The following LPP variants were observed in gnomAD, a reference collection of about 807,000 sequenced individuals.
LPP encodes the protein lipoma-preferred partner.
A neutral mutation model predicts 60.4 loss-of-function variants in LPP; 38 were observed. The observed-to-expected ratio is 0.63, with a 90% CI of 0.49 to 0.83. The LOEUF (loss-of-function observed/expected upper bound fraction) is 0.83, where lower values mean the gene tolerates loss of function less well. Among genes scored for constraint, LPP ranks in the 40% least tolerant of loss-of-function variants. The pLI, the probability that LPP is intolerant of heterozygous loss-of-function variation, is 0.00. For synonymous variants in LPP, 328 were observed against 290.8 expected (o/e 1.13, Z -1.30); for missense variants, 902 against 783.6 (o/e 1.15, Z -1.80).
At chr3:188,506,590 T>TGTG (rs1435998030) in intron 5 of LPP, among the ~76,000 whole-genome samples, 1 of 152,142 alleles carries the variant, frequency 6.6e-6, no homozygotes, top group Non-Finnish European at 1.5e-5. Context: ...TGCCCTTTCT[T>TGTG]GTGATGAGGA....
chr3:188,673,986 T>C (rs942387077), intron 7 of LPP, among the ~76,000 whole-genome samples: 11 of 152,054 alleles, frequency 7.2e-5, no homozygotes, highest in Admixed American at 7.2e-4. Flanking sequence ...ATCTTACTCC[T>C]TTGTAGTGTA....
chr3:188,586,595 T>A (rs1486679621), intron 6 of LPP, among the ~76,000 whole-genome samples: 1 of 152,202 alleles, frequency 6.6e-6, no homozygotes, highest in Non-Finnish European at 1.5e-5. Context: ...GCACCCATTT[T>A]ACTAAAACAT....
At chr3:188,184,686 T>A (rs941813771) in intron 1 of LPP, among the ~76,000 whole-genome samples, 1 of 76,424 alleles carries the variant, frequency 1.3e-5, no homozygotes, top group Non-Finnish European at 2.6e-5. Context: ...TCCGGTAAAC[T>A]TTTTTTTTTT....
chr3:188,313,815 T>C (rs936919021), intron 2 of LPP, among the ~76,000 whole-genome samples: 2 of 152,170 alleles, frequency 1.3e-5, no homozygotes, highest in African/African-American at 2.4e-5. Context: ...CCAGGAGCAC[T>C]GAGATTTTTC....
intron 3 of LPP, among the ~76,000 whole-genome samples, chr3:188,363,766 A>G (rs984887167): frequency 6.6e-6 from 1 of 151,956 alleles, no homozygotes; most frequent in Non-Finnish European, 1.5e-5. Flanking sequence ...TTAGCCAGGC[A>G]TGATGGCGGG....
intron 3 of LPP, among the ~76,000 whole-genome samples, chr3:188,386,260 GCGCGCACACACACACACACACA>G (rs1438344870): frequency 0.011 from 1,059 of 96,830 alleles, 12 homozygotes; most frequent in Non-Finnish European, 0.017. Flanking sequence ...GTCATAGCAT[GCGCGCACACACACACACACACA>G]CACACACACA....
At chr3:188,732,729 A>AAAAAG (rs1721095213) in intron 8 of LPP, among the ~76,000 whole-genome samples, 1 of 151,718 alleles carries the variant, frequency 6.6e-6, no homozygotes, top group Non-Finnish European at 1.5e-5. Flanking sequence ...AAAAAAAAAA[A>AAAAAG]AAAAAAAGAA....
Position 188,238,659 on chromosome 3 carries a change from G to C in LPP, c.-67+13132G>C, listed in dbSNP as rs140511422. ...CAGAACACACCTATTTATTGATCAA[G>C]TTTGCCATCTCATATGGCCATGATT... On this transcript the variant is annotated intron_variant, in intron 2 of 11. Transcript: ENST00000617246. 5.8e-4 allele frequency among the ~76,000 whole-genome samples: 88 copies of C among 152,174 alleles called. No homozygotes were observed. In the Middle Eastern group the frequency reaches 0.02, roughly 35 times the overall value.
chr3:188,607,169 T>C (rs1471843328), intron 6 of LPP, among the ~76,000 whole-genome samples: 6 of 142,090 alleles, frequency 4.2e-5, no homozygotes, highest in Non-Finnish European at 9.2e-5. Flanking sequence ...ACACACACTA[T>C]TTAAACATCC....
chr3:188,890,075 T>C lies in LPP; in HGVS notation c.*15596T>C, dbSNP rs147902441. ...ATCTGATGATTATGACCATGGAAGA[T>C]AGTCTTATGTAAAGGTTAAATGGTG... is the stretch of plus-strand genomic sequence containing the variant. On this transcript the variant is annotated 3_prime_UTR_variant, in exon 12 of 12. Transcript: ENST00000617246. 2.3e-5 allele frequency: 5 copies of C among 213,560 alleles called. No individual in the cohort carries two copies. The highest frequency in any genetic ancestry group is 9.0e-5 in the African/African-American group (4 of 44,348). 13.2% of individuals were successfully genotyped at this position (213,560 alleles called of 1,614,324 possible). A position where few individuals can be genotyped will look rare whatever the true frequency, so the allele number is the denominator to read the frequency against.
chr3:188,619,125 A>G (rs1845369621), intron 7 of LPP, among the ~76,000 whole-genome samples: 2 of 152,116 alleles, frequency 1.3e-5, no homozygotes, highest in South Asian at 4.1e-4. Flanking sequence ...CCCGGGTTCA[A>G]GTGATTCTCC....
chr3:188,794,211 G>T (rs542336619), intron 9 of LPP, among the ~76,000 whole-genome samples: 2 of 152,116 alleles, frequency 1.3e-5, no homozygotes, highest in South Asian at 4.1e-4. Flanking sequence ...TTTCTTTTTC[G>T]ATTCTGATGC....
chr3:188,269,645 A>ATATGTGTGTGTG (rs748506984), intron 2 of LPP, among the ~76,000 whole-genome samples: 5,948 of 136,358 alleles, frequency 0.044, 169 homozygotes, highest in African/African-American at 0.049. Context: ...CTTTTTTTTT[A>ATATGTGTGTGTG]TGTGTGTGTG....
intron 9 of LPP, among the ~76,000 whole-genome samples, chr3:188,800,216 G>T: frequency 1.5e-5 from 2 of 130,662 alleles, no homozygotes; most frequent in African/African-American, 2.8e-5. Context: ...ATATCTTTGT[G>T]CAATTATCTT....
chr3:188,321,017 A>G lies in LPP; in HGVS notation c.-66-20646A>G, dbSNP rs184648422. On this transcript the variant is annotated intron_variant, in intron 2 of 11. Transcript: ENST00000617246. ...GATTTTCCTCATCCTCACATATAAG[A>G]TGGAGCCATTTCTCCCTCTGGCGTT... is the stretch of plus-strand genomic sequence containing the variant. Among the ~76,000 whole-genome samples, 270 of 152,278 alleles carry G rather than the reference A, an allele frequency of 1.8e-3. 2 individuals are homozygous for G. Among genetic ancestry groups the G allele is most frequent in the African/African-American group, 6.1e-3 (255 of 41,546 alleles).
chr3:188,803,898 A>T (rs1294256908), intron 9 of LPP, among the ~76,000 whole-genome samples: 4 of 152,078 alleles, frequency 2.6e-5, no homozygotes, highest in Non-Finnish European at 5.9e-5. Context: ...CTAGGGAGAA[A>T]TTACATCTTA....
At chr3:188,390,948 G>A (rs1015609410) in intron 3 of LPP, among the ~76,000 whole-genome samples, 1 of 152,164 alleles carries the variant, frequency 6.6e-6, no homozygotes, top group Non-Finnish European at 1.5e-5. Flanking sequence ...GTTGTAGGCT[G>A]CCACAGAATA....
chr3:188,848,917 G>A (rs1471008769), intron 9 of LPP, among the ~76,000 whole-genome samples: 1 of 149,590 alleles, frequency 6.7e-6, no homozygotes, highest in Non-Finnish European at 1.5e-5. Flanking sequence ...AGTGAGCTGA[G>A]ATCTCACCAC....
intron 3 of LPP, among the ~76,000 whole-genome samples, chr3:188,362,238 G>A (rs1180439508): frequency 1.3e-5 from 2 of 152,150 alleles, no homozygotes; most frequent in Non-Finnish European, 2.9e-5. Context: ...AATACGCTAG[G>A]CATTTCTTAA....
Sources: allele counts gnomAD v4.1 joint callset (sites outside exome capture counted in the v4.1 genomes callset), GRCh38; gene constraint gnomAD v4.1.1; transcripts MANE v1.5; gene names NCBI Gene and HGNC (gene_info 2026-07-23, HGNC 2026-07-21).